Variants in FBXO34 observed in about 807,000 individuals in gnomAD.
FBXO34 encodes the protein F-box protein 34.
A neutral mutation model predicts 24.5 loss-of-function variants in FBXO34; 12 were observed. The ratio of observed to expected loss-of-function variants is 0.49; its 90% CI spans 0.31 to 0.79. The LOEUF is 0.79. Among genes scored for constraint, FBXO34 ranks in the 30% least tolerant of loss-of-function variants. The pLI is 0.04. For synonymous variants in FBXO34, 320 were observed against 311.9 expected, an observed-to-expected ratio of 1.03 and a Z score of -0.27; for missense variants, 823 against 857.7, an observed-to-expected ratio of 0.96 and a Z score of 0.51.
At chr14:55,432,552 T>C in the FBXO34 span, among the ~76,000 whole-genome samples, 2 of 152,078 alleles carry the variant, frequency 1.3e-5, no homozygotes, top group South Asian at 2.1e-4. Context: ...AATCTCTCCA[T>C]AGATAACTGA....
At chr14:55,393,570 G>C in the FBXO34 span, among the ~76,000 whole-genome samples, 1 of 148,608 alleles carries the variant, frequency 6.7e-6, no homozygotes, top group South Asian at 2.1e-4. Context: ...TTTTGAGTCA[G>C]GGTCTCACTC....
chr14:55,271,685 C>T (rs1881149336), intron 1 of FBXO34, 148 bp downstream of exon 1: 1 of 149,910 alleles, frequency 6.7e-6, no homozygotes, highest in Non-Finnish European at 1.5e-5. Flanking sequence ...GGGCGCCGCC[C>T]GCGGGTCCGG....
Position 55,291,256 on chromosome 14 carries a change from G to GT in FBXO34, c.-11+19720dup, listed in dbSNP as rs533206549. ...GTTTTTGTATTTGCTAATTTCATAG[G>GT]TAAAAAAATGACAGAGGGTAGCTCT... On this transcript the variant is annotated intron_variant, in intron 1 of 1. Transcript: ENST00000313833. Among the ~76,000 whole-genome samples the GT allele has an allele frequency of 3.9e-3, 591 of 152,156 alleles. 4 individuals carry two copies. The highest frequency in any genetic ancestry group is 9.5e-3 in the Admixed American group (145 of 15,284).
Position 55,350,691 on chromosome 14 carries a change from G to C in FBXO34, c.301G>C (p.Glu101Gln), listed in dbSNP as rs1884325800. The change falls in exon 2 of 2, where the codon GAA becomes CAA. Residue 101 changes from glutamate (E) to glutamine (Q), a missense_variant. By Grantham distance (29) the Glu-to-Gln change is conservative. Around this residue, in one of 2 missense-constraint regions of FBXO34, gnomAD observed 693 missense variants for 659.1 expected, o/e 1.05. Transcript: ENST00000313833. ...ATCTGCAACGATCCACCAGGGCGAA[G>C]AAGAAGGACCACTTGATATCTGGGC... ...APSATIHQGE[E>Q]EGPLDIWAVV... The C allele has an allele frequency of 6.2e-7, 1 of 1,613,666 alleles. No homozygotes were observed. The highest frequency in any genetic ancestry group is 1.7e-4 in the Middle Eastern group (1 of 6,060).
At chr14:55,338,860 T>C (rs56270323) in intron 1 of FBXO34, among the ~76,000 whole-genome samples, 84,136 of 150,580 alleles carry the variant, frequency 0.56, 26,445 homozygotes, top group African/African-American at 0.87. Context: ...GAGCTGAGAT[T>C]GCGCCACTGC....
the FBXO34 span, among the ~76,000 whole-genome samples, chr14:55,407,152 CAG>C: frequency 3.9e-5 from 6 of 151,954 alleles, no homozygotes; most frequent in African/African-American, 1.2e-4. Context: ...TTTTTTGAGA[CAG>C]AGTCTCGCTC....
At chr14:55,294,694 A>G (rs1037953957) in intron 1 of FBXO34, among the ~76,000 whole-genome samples, 1 of 152,226 alleles carries the variant, frequency 6.6e-6, no homozygotes, top group African/African-American at 2.4e-5. Flanking sequence ...TTTGGAGACT[A>G]CTGTGTTCCA....
Position 55,276,560 on chromosome 14 carries a change from C to T in FBXO34, c.-11+5023C>T, listed in dbSNP as rs370277048. On this transcript the variant is annotated intron_variant, in intron 1 of 1. Transcript: ENST00000313833. The stretch of plus-strand genomic sequence containing the variant: ...TAAGAGTCCTTTATTAGCCGGCGAC[C>T]GAGAGACGGCTAACGCTCAAAATTC... 9.9e-5 allele frequency among the ~76,000 whole-genome samples: 15 copies of T among 152,178 alleles called. 1 individual carries two copies. Among genetic ancestry groups the T allele is most frequent in the African/African-American group, 3.4e-4 (14 of 41,508 alleles).
At chr14:55,414,330 C>G in the FBXO34 span, 14 of 1,379,802 alleles carry the variant, frequency 1.0e-5, no homozygotes, top group Non-Finnish European at 1.4e-5. Context: ...CTGTGCTGGG[C>G]TTATGGACAT....
intron 1 of FBXO34, among the ~76,000 whole-genome samples, chr14:55,345,667 A>G (rs1215184353): frequency 6.6e-6 from 1 of 152,140 alleles, no homozygotes; most frequent in Admixed American, 6.5e-5. Context: ...ACTCATATTT[A>G]TACCAGTGTC....
chr14:55,310,989 G>C (rs1882719338), intron 1 of FBXO34, among the ~76,000 whole-genome samples: 1 of 151,314 alleles, frequency 6.6e-6, no homozygotes, highest in East Asian at 1.9e-4. Context: ...GACAAAATAA[G>C]AACAAATGCT....
At chr14:55,358,094 A>G (rs1016727560), downstream of FBXO34, among the ~76,000 whole-genome samples, 3 of 151,428 alleles carry the variant, frequency 2.0e-5, no homozygotes, top group East Asian at 2.0e-4. Context: ...TCCCCTATAC[A>G]GACAACGCAG....
intron 1 of FBXO34, chr14:55,326,144 A>T (rs2140035808): frequency 6.6e-6 from 1 of 152,348 alleles, no homozygotes; most frequent in South Asian, 2.1e-4. Context: ...AGAGGAAGTA[A>T]AATCCCCCGA....
chr14:55,343,362 T>C (rs1429680696), intron 1 of FBXO34, among the ~76,000 whole-genome samples: 1 of 151,716 alleles, frequency 6.6e-6, no homozygotes, highest in Non-Finnish European at 1.5e-5. Flanking sequence ...GCAATTCTCC[T>C]GCCTTAGCCT....
At chr14:55,383,156 G>A in the FBXO34 span, among the ~76,000 whole-genome samples, 11 of 152,266 alleles carry the variant, frequency 7.2e-5, no homozygotes, top group African/African-American at 2.2e-4. Context: ...CCTTACGCAC[G>A]CGTCCCATGC....
At chr14:55,438,889 T>C in the FBXO34 span, 1 of 118,072 alleles carries the variant, frequency 8.5e-6, no homozygotes, top group East Asian at 2.4e-4. Context: ...ATTGTCTTTA[T>C]AAAAAAATTC....
chr14:55,333,919 G>A (rs1423217503), intron 1 of FBXO34, among the ~76,000 whole-genome samples: 1 of 152,094 alleles, frequency 6.6e-6, no homozygotes, highest in Non-Finnish European at 1.5e-5. Flanking sequence ...TGCGTGTCTA[G>A]ATTGTTCCGT....
At chr14:55,275,496 G>A (rs1881303690) in intron 1 of FBXO34, among the ~76,000 whole-genome samples, 1 of 152,056 alleles carries the variant, frequency 6.6e-6, no homozygotes, top group Non-Finnish European at 1.5e-5. Context: ...GGTCTTGGGT[G>A]TGAGAGGCTA....
At chr14:55,290,707 GTTAGAAC>G (rs1881917681) in intron 1 of FBXO34, among the ~76,000 whole-genome samples, 1 of 152,336 alleles carries the variant, frequency 6.6e-6, no homozygotes, top group African/African-American at 2.4e-5. Flanking sequence ...TGTTTCATTA[GTTAGAAC>G]TTAGTGTCAT....
Sources: gnomAD v4.1 joint callset for allele counts (sites outside exome capture counted in the v4.1 genomes callset) on GRCh38, gnomAD v4.1.1 for gene constraint, gnomAD v4.1.1 regional missense constraint, MANE v1.5 for transcripts, NCBI Gene and HGNC (gene_info 2026-07-23, HGNC 2026-07-21) for gene names.